The following DRC11L variants were observed in gnomAD, a reference collection of about 807,000 sequenced individuals.
DRC11L encodes dynein regulatory complex subunit like-11.
the DRC11L span, chr7:151,191,804 T>A: frequency 2.5e-6 from 1 of 399,074 alleles, no homozygotes; most frequent in Non-Finnish European, 4.4e-6. Context: ...ATCGGAGACC[T>A]TGGCTAGGGC....
chr7:151,200,038 G>A, the DRC11L span, among the ~76,000 whole-genome samples: 5 of 152,208 alleles, frequency 3.3e-5, no homozygotes, highest in African/African-American at 4.8e-5. Flanking sequence ...GGCAGTGTGG[G>A]TGCTCCTGCT....
chr7:151,201,428 C>T, the DRC11L span, among the ~76,000 whole-genome samples: 5 of 152,214 alleles, frequency 3.3e-5, no homozygotes, highest in African/African-American at 7.2e-5. The surrounding 1 kb of genome is among the most constrained non-coding windows in gnomAD (Gnocchi z 4.1). Flanking sequence ...TGGGGTCCAT[C>T]CTCCTTCTTG....
At chr7:151,202,781 A>G in the DRC11L span, 1 of 397,538 alleles carries the variant, frequency 2.5e-6, no homozygotes, top group Non-Finnish European at 4.4e-6. Context: ...AACCCAGGAC[A>G]CAGAGGCTGC....
chr7:151,197,370 A>G, the DRC11L span: 2 of 398,782 alleles, frequency 5.0e-6, no homozygotes, highest in South Asian at 2.5e-4. Context: ...GATCAAGGGG[A>G]TTTTACAGAA....
At chr7:151,200,158 T>G in the DRC11L span, among the ~76,000 whole-genome samples, 2 of 152,142 alleles carry the variant, frequency 1.3e-5, no homozygotes, top group South Asian at 4.2e-4. Context: ...GCTCCACAGG[T>G]GAGCTGCTGC....
At chr7:151,192,072 G>A in the DRC11L span, among the ~76,000 whole-genome samples, 2 of 152,182 alleles carry the variant, frequency 1.3e-5, no homozygotes, top group Admixed American at 6.5e-5. Context: ...AACTCAACCC[G>A]AGGAATTAGA....
At chr7:151,199,922 C>T in the DRC11L span, among the ~76,000 whole-genome samples, 3 of 148,270 alleles carry the variant, frequency 2.0e-5, no homozygotes, top group Middle Eastern at 3.4e-3. The surrounding 1 kb of genome is among the most constrained non-coding windows in gnomAD (Gnocchi z 5.2). Flanking sequence ...GCCAGGCACA[C>T]GTGTGTGCAC....
At chr7:151,196,245 A>G in the DRC11L span, among the ~76,000 whole-genome samples, 1 of 152,176 alleles carries the variant, frequency 6.6e-6, no homozygotes, top group South Asian at 2.1e-4. Flanking sequence ...GTGGGAACTG[A>G]CGTGGGCAGC....
the DRC11L span, among the ~76,000 whole-genome samples, chr7:151,193,033 C>T: frequency 6.6e-6 from 1 of 152,214 alleles, no homozygotes; most frequent in Non-Finnish European, 1.5e-5. Flanking sequence ...AGTCACTGCC[C>T]CCCATGGGGG....
At chr7:151,199,502 T>C in the DRC11L span, among the ~76,000 whole-genome samples, 1 of 152,194 alleles carries the variant, frequency 6.6e-6, no homozygotes, top group African/African-American at 2.4e-5. This position sits in a 1 kb window ranked among gnomAD's most constrained non-coding sequence, Gnocchi z 5.2. Context: ...CCCTCCCTGC[T>C]GAAGCCAACC....
At chr7:151,203,099 G>C in the DRC11L span, 1 of 399,064 alleles carries the variant, frequency 2.5e-6, no homozygotes, top group Non-Finnish European at 4.4e-6. Context: ...GTAAAGCTCT[G>C]GCCAGAGCAG....
the DRC11L span, chr7:151,197,035 C>G: frequency 5.0e-6 from 2 of 399,742 alleles, no homozygotes; most frequent in Non-Finnish European, 8.8e-6. Context: ...GCAACACTTG[C>G]AACACCGCAT....
the DRC11L span, among the ~76,000 whole-genome samples, chr7:151,202,606 C>T: frequency 6.6e-6 from 1 of 152,264 alleles, no homozygotes; most frequent in Non-Finnish European, 1.5e-5. Context: ...AATCCCAGCA[C>T]TTTGGGAGGC....
At chr7:151,191,888 TG>T in the DRC11L span, 1 of 399,072 alleles carries the variant, frequency 2.5e-6, no homozygotes, top group African/African-American at 2.1e-5. Context: ...TGCAGGCATG[TG>T]GAAGACATGG....
the DRC11L span, among the ~76,000 whole-genome samples, chr7:151,198,083 T>A: frequency 6.7e-6 from 1 of 148,346 alleles, no homozygotes; most frequent in African/African-American, 2.5e-5. Flanking sequence ...CATGAGTGGA[T>A]AGATGGAGAG....
the DRC11L span, among the ~76,000 whole-genome samples, chr7:151,204,158 C>A: frequency 6.6e-6 from 1 of 152,162 alleles, no homozygotes; most frequent in Non-Finnish European, 1.5e-5. Context: ...CAATTCCCTG[C>A]GGTTCGTGGG....
chr7:151,192,163 C>A, the DRC11L span: 2 of 398,216 alleles, frequency 5.0e-6, no homozygotes, highest in Non-Finnish European at 8.8e-6. Flanking sequence ...TGTCCAGCAG[C>A]CCTTCCAGAA....
chr7:151,195,404 A>G, the DRC11L span: 1,749 of 398,978 alleles, frequency 4.4e-3, 31 homozygotes, highest in African/African-American at 0.033. Context: ...CCACCATGCA[A>G]AGTGGGCACG....
chr7:151,197,702 TC>T, the DRC11L span: 1 of 392,846 alleles, frequency 2.5e-6, no homozygotes, highest in Non-Finnish European at 4.5e-6. Context: ...TGCCTGCATT[TC>T]CCCCAGCCAC....
Sources: allele counts gnomAD v4.1 joint callset (sites outside exome capture counted in the v4.1 genomes callset), GRCh38; gene constraint gnomAD v4.1.1; non-coding constraint Gnocchi (gnomAD v3.1); transcripts MANE v1.5; gene names NCBI Gene and HGNC (gene_info 2026-07-23, HGNC 2026-07-21).